TMEM50A: variants seen among roughly 807,000 people sequenced by gnomAD.
TMEM50A encodes transmembrane protein 50A.
A neutral mutation model predicts 23.9 loss-of-function variants in TMEM50A; 8 were observed. That is an observed-to-expected ratio of 0.33 (90% CI 0.20 to 0.60). The LOEUF is 0.60. Ranked by LOEUF, TMEM50A falls within the 20% of genes least tolerant of loss-of-function variation. The probability of loss-of-function intolerance (pLI) is 0.81; values close to 1 mark genes in which losing one functional copy is unlikely to be tolerated. For missense variants in TMEM50A, 178 were observed against 192.7 expected (o/e 0.92, Z 0.45); for synonymous variants, 55 against 60.4 (o/e 0.91, Z 0.41).
intron 3 of TMEM50A, among the ~76,000 whole-genome samples, chr1:25,348,837 C>T (rs1005827374): frequency 6.6e-6 from 1 of 152,182 alleles, no homozygotes; most frequent in African/African-American, 2.4e-5. Flanking sequence ...TAATATTTAA[C>T]TCTTCTCCAC....
rs1368376862 is a variant in TMEM50A at position 25,360,752 on chromosome 1, G to GT, written c.*54dup. ...ACAACAGCCCTGCATGGGTTTGTTT[G>GT]TTTTTTTACTGCTCACTCCCAACCT... On this transcript the variant is annotated 3_prime_UTR_variant, in exon 7 of 7. Transcript: ENST00000374358. The GT allele has an allele frequency of 2.5e-6, 4 of 1,596,806 alleles. No individual in the cohort carries two copies. The highest frequency in any genetic ancestry group is 1.1e-5 in the South Asian group (1 of 90,236).
chr1:25,340,649 G>T (rs1482371871), intron 2 of TMEM50A, 70 bp downstream of exon 2: 2 of 1,188,626 alleles, frequency 1.7e-6, no homozygotes, highest in Non-Finnish European at 2.4e-6. Context: ...AATTCTGCAG[G>T]ATGTTTTAAA....
intron 5 of TMEM50A, among the ~76,000 whole-genome samples, chr1:25,355,273 A>G (rs1266271664): frequency 6.6e-6 from 1 of 152,072 alleles, no homozygotes; most frequent in African/African-American, 2.4e-5. Flanking sequence ...ACGCCACTGC[A>G]CTGCAGCCTG....
intron 6 of TMEM50A, among the ~76,000 whole-genome samples, chr1:25,357,564 G>GTGTGT (rs1645347043): frequency 7.1e-5 from 8 of 113,044 alleles, no homozygotes; most frequent in African/African-American, 2.5e-4. Flanking sequence ...TGTGTGTGTT[G>GTGTGT]TGTGTGTGTG....
chr1:25,349,079 C>A (rs1645251640), intron 3 of TMEM50A, among the ~76,000 whole-genome samples: 1 of 152,160 alleles, frequency 6.6e-6, no homozygotes, highest in Admixed American at 6.5e-5. Context: ...ATGCTGGAGT[C>A]TGAGCAGGGT....
At chr1:25,346,877 G>A (rs1571800032) in intron 3 of TMEM50A, among the ~76,000 whole-genome samples, 1 of 151,918 alleles carries the variant, frequency 6.6e-6, no homozygotes, top group Non-Finnish European at 1.5e-5. Flanking sequence ...AAAATCAGCC[G>A]GGCATGGTGG....
chr1:25,353,106 C>T, intron 5 of TMEM50A, 132 bp downstream of exon 5: 2 of 657,860 alleles, frequency 3.0e-6, no homozygotes, highest in Non-Finnish European at 5.1e-6. Flanking sequence ...ATCCGGGACC[C>T]CCCACCCTCC....
rs1273080410 is a variant in TMEM50A, at chr1:25,362,164, G to C, written c.*1459G>C. The stretch of plus-strand genomic sequence containing the variant: ...CAGTGATTTGTAATTTTCCTGTTTT[G>C]TATTATCTGCTTTGCTGATGTAGAC... On this transcript the variant is annotated 3_prime_UTR_variant, in exon 7 of 7. Coordinates refer to ENST00000374358, the MANE Select transcript of TMEM50A (RefSeq NM_014313.4). The C allele has an allele frequency of 7.3e-6, 3 of 408,632 alleles. No individual in the cohort carries two copies. Among genetic ancestry groups the C allele is most frequent in the East Asian group, 5.1e-5 (1 of 19,514 alleles). 25.3% of individuals were successfully genotyped at this position (408,632 alleles called of 1,614,324 possible).
rs1333545265 is a variant in TMEM50A, at chr1:25,362,359, T to A, written c.*1654T>A. 6.8e-7 allele frequency: 1 copy of A among 1,472,356 alleles called. No homozygotes were observed. Among genetic ancestry groups the A allele is most frequent in the African/African-American group, 1.4e-5 (1 of 70,286 alleles). The allele number at this position is 1,472,356 out of a possible 1,614,324, so 91.2% of individuals were successfully genotyped here. ...AAACTTATTAAATTGACTCTTAAAC[T>A]AAGTTTTTAGTCTTTAATTTTTTAA... On this transcript the variant is annotated 3_prime_UTR_variant, in exon 7 of 7. Coordinates refer to ENST00000374358, the MANE Select transcript of TMEM50A (RefSeq NM_014313.4).
chr1:25,341,327 A>G (rs1284462101), intron 2 of TMEM50A, among the ~76,000 whole-genome samples: 1 of 150,996 alleles, frequency 6.6e-6, no homozygotes, highest in Non-Finnish European at 1.5e-5. Flanking sequence ...GCGCAATCTC[A>G]GCTCACTGCA....
chr1:25,357,926 CACACCCA>C (rs1645352795), intron 6 of TMEM50A, among the ~76,000 whole-genome samples: 1 of 150,984 alleles, frequency 6.6e-6, no homozygotes, highest in Admixed American at 6.6e-5. Context: ...CATGAGCCAC[CACACCCA>C]GCCTGCATCA....
At position 25,341,867 on chromosome 1, in the gene TMEM50A, GTTTTTTTT is replaced by G. The variant is rs113850443; in HGVS notation, c.94-1090_94-1083del. 8.2e-4 allele frequency among the ~76,000 whole-genome samples: 93 copies of G among 113,298 alleles called. 1 individual carries two copies. The highest frequency in any genetic ancestry group is 4.6e-4 in the Admixed American group (5 of 10,942). 74.3% of individuals were successfully genotyped at this position (113,298 alleles called of 152,430 possible). Reference sequence around the variant, plus strand: ...AGGCCACCACACCGGGCTAATTTTTGTTTTTTTTTTTGTTTGTTTTTTTTGTAGAGATG... The same window carrying G: ...AGGCCACCACACCGGGCTAATTTTTGTTTGTTTGTTTTTTTTGTAGAGATG... On this transcript the variant is annotated intron_variant, in intron 2 of 6. Coordinates refer to ENST00000374358, the MANE Select transcript of TMEM50A (RefSeq NM_014313.4).
At chr1:25,350,287 C>T (rs1232472115) in intron 3 of TMEM50A, among the ~76,000 whole-genome samples, 3 of 152,200 alleles carry the variant, frequency 2.0e-5, no homozygotes, top group Non-Finnish European at 4.4e-5. Flanking sequence ...TACATGAGTA[C>T]ATGTTATGTC....
At chr1:25,347,914 T>C (rs1645235821) in intron 3 of TMEM50A, among the ~76,000 whole-genome samples, 1 of 152,240 alleles carries the variant, frequency 6.6e-6, no homozygotes, top group Non-Finnish European at 1.5e-5. Context: ...ACACCTAAAT[T>C]TCAACATTGG....
chr1:25,345,070 T>TCC (rs973329924), intron 3 of TMEM50A, among the ~76,000 whole-genome samples: 1 of 151,446 alleles, frequency 6.6e-6, no homozygotes, highest in African/African-American at 2.4e-5. Flanking sequence ...GGGACTTCCC[T>TCC]CCCCTGTTGA....
In TMEM50A at chr1:25,360,768, C is replaced by T. The variant is rs371512666; in HGVS notation, c.*63C>T. On this transcript the variant is annotated 3_prime_UTR_variant, in exon 7 of 7. Transcript: ENST00000374358. ...GGTTTGTTTGTTTTTTTACTGCTCA[C>T]TCCCAACCTTTTGTAATGCCATTTT... 34 of 1,547,778 alleles carry T rather than the reference C, an allele frequency of 2.2e-5. No homozygotes were observed. Among genetic ancestry groups the T allele is most frequent in the Non-Finnish European group, 2.8e-5 (32 of 1,125,816 alleles).
chr1:25,350,887 C>T (rs1274832204), intron 3 of TMEM50A, among the ~76,000 whole-genome samples: 11 of 152,046 alleles, frequency 7.2e-5, no homozygotes, highest in Admixed American at 5.2e-4. Flanking sequence ...TCTGGCTGGG[C>T]GCAGTGGCTC....
At chr1:25,350,925 G>T (rs1318603310) in intron 3 of TMEM50A, among the ~76,000 whole-genome samples, 1 of 151,828 alleles carries the variant, frequency 6.6e-6, no homozygotes, top group African/African-American at 2.4e-5. Flanking sequence ...ACTTTGGGAG[G>T]CCGAGGCGGG....
intron 5 of TMEM50A, among the ~76,000 whole-genome samples, chr1:25,355,376 A>G (rs1229167226): frequency 6.6e-6 from 1 of 152,226 alleles, no homozygotes; most frequent in East Asian, 1.9e-4. Context: ...CTTATTCATT[A>G]TAGAAAACTA....
Sources: allele counts gnomAD v4.1 joint callset (sites outside exome capture counted in the v4.1 genomes callset), GRCh38; gene constraint gnomAD v4.1.1; transcripts MANE v1.5; gene names NCBI Gene and HGNC (gene_info 2026-07-23, HGNC 2026-07-21).